The following ERP44 variants were observed in gnomAD, a reference collection of about 807,000 sequenced individuals.
ERP44 encodes endoplasmic reticulum resident protein 44.
In ERP44, 25 loss-of-function variants were observed where a neutral mutation model predicts 53.4. The observed-to-expected ratio is 0.47, with a 90% CI of 0.34 to 0.65. The LOEUF (loss-of-function observed/expected upper bound fraction) is 0.65. Ranked by LOEUF, ERP44 falls within the 30% of genes least tolerant of loss-of-function variation. The probability of loss-of-function intolerance (pLI) is 0.01; values close to 1 mark genes in which losing one functional copy is unlikely to be tolerated. For missense variants in ERP44, 338 were observed against 493.2 expected (o/e 0.69, Z 2.98); for synonymous variants, 145 against 161.2 (o/e 0.90, Z 0.76).
chr9:100,020,565 T>A lies in ERP44; in HGVS notation c.587+51A>T, dbSNP rs1231892980. 5 of 905,752 alleles carry A rather than the reference T, an allele frequency of 5.5e-6. No individual in the cohort carries two copies. In the African/African-American group the frequency reaches 6.6e-5, roughly 12 times the overall value. The allele number at this position is 905,752 out of a possible 1,614,324, so 56.1% of individuals were successfully genotyped here. A position where few individuals can be genotyped will look rare whatever the true frequency, so the allele number is the denominator to read the frequency against. On this transcript the variant is annotated intron_variant, in intron 6 of 11. Transcript: ENST00000262455. ...GAAATGACCAAATACAACAGCAATT[T>A]AACATGGCAGCCAACCAACCCACTA...
At chr9:100,051,715 A>G (rs894390002) in intron 4 of ERP44, among the ~76,000 whole-genome samples, 2 of 152,232 alleles carry the variant, frequency 1.3e-5, no homozygotes, top group Non-Finnish European at 2.9e-5. Flanking sequence ...AGGAAAGTTC[A>G]AGTATAATGG....
chr9:100,032,255 T>G (rs1187122515), intron 4 of ERP44, among the ~76,000 whole-genome samples: 7 of 152,178 alleles, frequency 4.6e-5, no homozygotes, highest in Non-Finnish European at 1.0e-4. Flanking sequence ...GGCTCCACCC[T>G]GAAGCCAGTA....
chr9:100,055,583 C>T (rs1221843709), intron 3 of ERP44, among the ~76,000 whole-genome samples: 1 of 152,186 alleles, frequency 6.6e-6, no homozygotes, highest in African/African-American at 2.4e-5. Context: ...GTTCGTCAGG[C>T]TAGTCTGGAA....
chr9:100,030,529 AG>A (rs1225646505), intron 4 of ERP44, among the ~76,000 whole-genome samples: 1 of 152,204 alleles, frequency 6.6e-6, no homozygotes, highest in Non-Finnish European at 1.5e-5. Context: ...GGCCCAGCTT[AG>A]GATGGTTAGA....
chr9:100,080,327 A>AC (rs1826409455), intron 1 of ERP44, among the ~76,000 whole-genome samples: 1 of 152,032 alleles, frequency 6.6e-6, no homozygotes, highest in South Asian at 2.1e-4. Flanking sequence ...ACATCTGCTC[A>AC]CCTTTAGGAC....
chr9:100,054,278 G>A (rs928068705), intron 3 of ERP44, among the ~76,000 whole-genome samples: 4 of 152,280 alleles, frequency 2.6e-5, no homozygotes, highest in Middle Eastern at 3.4e-3. Flanking sequence ...GGCTAGGACC[G>A]CAGGTTTGTG....
chr9:99,993,958 C>T (rs916397316), intron 10 of ERP44, among the ~76,000 whole-genome samples: 4 of 152,192 alleles, frequency 2.6e-5, no homozygotes, highest in Admixed American at 6.5e-5. Flanking sequence ...CAATGAGATG[C>T]CATCTCACAC....
chr9:100,060,226 G>A lies in ERP44; in HGVS notation c.58-54C>T, dbSNP rs1050212928. On this transcript the variant is annotated intron_variant, in intron 1 of 11. Coordinates refer to ENST00000262455, the MANE Select transcript of ERP44 (RefSeq NM_015051.3). Reference sequence around the variant, plus strand: ...AAATGTGTCCACAAAAGACAAATACGTAAAAGCGAAGTCTAAAAATAAATG... The same window carrying A: ...AAATGTGTCCACAAAAGACAAATACATAAAAGCGAAGTCTAAAAATAAATG... The A allele has an allele frequency of 1.4e-5, 19 of 1,365,902 alleles. No homozygotes were observed. In the Admixed American group the frequency reaches 1.5e-4, roughly 11 times the overall value. 84.6% of individuals were successfully genotyped at this position (1,365,902 alleles called of 1,614,324 possible). A position where few individuals can be genotyped will look rare whatever the true frequency, so the allele number is the denominator to read the frequency against.
At position 99,982,575 on chromosome 9, in the gene ERP44, C is replaced by G; in HGVS notation, c.*37G>C. 3 of 1,040,528 alleles carry G rather than the reference C, an allele frequency of 2.9e-6. No individual in the cohort carries two copies. The highest frequency in any genetic ancestry group is 4.2e-6 in the Non-Finnish European group (3 of 721,034). The allele number at this position is 1,040,528 out of a possible 1,614,324, so 64.5% of individuals were successfully genotyped here. A position where few individuals can be genotyped will look rare whatever the true frequency, so the allele number is the denominator to read the frequency against. On this transcript the variant is annotated 3_prime_UTR_variant, in exon 12 of 12. Coordinates refer to ENST00000262455, the MANE Select transcript of ERP44 (RefSeq NM_015051.3). ...ACTATTTCCACCACGTAGGTTGATG[C>G]TGCTGTTGAAAGGCTTACAAACTGT...
At chr9:100,006,402 C>A in intron 10 of ERP44, 104 bp downstream of exon 10, 1 of 852,478 alleles carries the variant, frequency 1.2e-6, no homozygotes, top group South Asian at 1.7e-5. Flanking sequence ...TTAACAAAGT[C>A]TTACTGTTCC....
rs773851697 is a variant in ERP44 at position 99,985,616 on chromosome 9, C to G, written c.1017-547G>C. Among the ~76,000 whole-genome samples the G allele has an allele frequency of 1.4e-4, 22 of 152,280 alleles. No individual in the cohort carries two copies. In the Middle Eastern group the frequency reaches 0.01, roughly 71 times the overall value. On this transcript the variant is annotated intron_variant, in intron 10 of 11. Coordinates refer to ENST00000262455, the MANE Select transcript of ERP44 (RefSeq NM_015051.3). ...CAGCCTTAACGTAAAGCTTGTGAGCCTACTTTTGAGGTTCGGGTCCTTAAG... is the reference window on the plus strand; with the variant it reads ...CAGCCTTAACGTAAAGCTTGTGAGCGTACTTTTGAGGTTCGGGTCCTTAAG...
rs979789092 is a variant in ERP44 at position 100,086,875 on chromosome 9, CAT to C, written c.57+11907_57+11908del. ...GGGGAAAGAATCCACACAACAAACA[CAT>C]GTTTGAAGCATCCACAAATATTTTA... On this transcript the variant is annotated intron_variant, in intron 1 of 11. Transcript: ENST00000262455. Among the ~76,000 whole-genome samples the C allele has an allele frequency of 5.3e-5, 8 of 152,178 alleles. No individual in the cohort carries two copies. The South Asian group carries it at 8.3e-4, about 16-fold the overall frequency.
rs1168903331 is a variant in ERP44, at chr9:100,043,291, A to AAAAAAAAAAAAAAAAAAAG, written c.286+9125_286+9126insCTTTTTTTTTTTTTTTTTT. The stretch of plus-strand genomic sequence containing the variant: ...AAAAAAAAAAAAAAAAAAAAAAAAA[A>AAAAAAAAAAAAAAAAAAAG]GATAAATAAGACATAGTATTTGCTA... On this transcript the variant is annotated intron_variant, in intron 4 of 11. Transcript: ENST00000262455. Among the ~76,000 whole-genome samples, 56 of 74,928 alleles carry AAAAAAAAAAAAAAAAAAAG rather than the reference A, an allele frequency of 7.5e-4. 20 individuals are homozygous for AAAAAAAAAAAAAAAAAAAG. Among genetic ancestry groups the AAAAAAAAAAAAAAAAAAAG allele is most frequent in the East Asian group, 1.1e-3 (2 of 1,780 alleles). 49.2% of individuals were successfully genotyped at this position (74,928 alleles called of 152,430 possible). A position where few individuals can be genotyped will look rare whatever the true frequency, so the allele number is the denominator to read the frequency against.
At chr9:99,988,103 T>C (rs963766829) in intron 10 of ERP44, among the ~76,000 whole-genome samples, 3 of 152,344 alleles carry the variant, frequency 2.0e-5, no homozygotes, top group Admixed American at 2.0e-4. Flanking sequence ...AAACTTCCAG[T>C]TGTTCCACAT....
chr9:100,014,878 A>G (rs1445592484), intron 8 of ERP44, among the ~76,000 whole-genome samples: 1 of 152,214 alleles, frequency 6.6e-6, no homozygotes, highest in Non-Finnish European at 1.5e-5. Context: ...TGGCTTACAA[A>G]TTAACAGAAA....
chr9:99,998,566 G>C lies in ERP44; in HGVS notation c.1016+7940C>G. The C allele has an allele frequency of 8.2e-6, 6 of 731,494 alleles. No individual in the cohort carries two copies. The South Asian group carries it at 8.7e-5, about 11-fold the overall frequency. The allele number at this position is 731,494 out of a possible 1,614,324, so 45.3% of individuals were successfully genotyped here. The stretch of plus-strand genomic sequence containing the variant: ...GCCTTCTGGAAAGCCAGTCAGGCTC[G>C]TGGTGAGCTCTGTGCCTCCTGCCGT... On this transcript the variant is annotated intron_variant, in intron 10 of 11. Transcript: ENST00000262455.
intron 1 of ERP44, among the ~76,000 whole-genome samples, chr9:100,093,649 G>A (rs530396253): frequency 6.6e-6 from 1 of 151,342 alleles, no homozygotes; most frequent in Non-Finnish European, 1.5e-5. Flanking sequence ...TCTGTGGGGG[G>A]GGAAAAAAAA....
chr9:100,078,263 G>A (rs1826380822), intron 1 of ERP44, among the ~76,000 whole-genome samples: 1 of 152,088 alleles, frequency 6.6e-6, no homozygotes, highest in Non-Finnish European at 1.5e-5. Context: ...TTCAAGACCA[G>A]CCTGGCCAAC....
In ERP44 at chr9:99,988,803, C is replaced by T. The variant is rs111514385; in HGVS notation, c.1017-3734G>A. Reference sequence around the variant, plus strand: ...CAAGGGAAGCCATGACAGACTGTACCGGAAAAAACAGGACATTCCCACCCA... The same window carrying T: ...CAAGGGAAGCCATGACAGACTGTACTGGAAAAAACAGGACATTCCCACCCA... On this transcript the variant is annotated intron_variant, in intron 10 of 11. Coordinates refer to ENST00000262455, the MANE Select transcript of ERP44 (RefSeq NM_015051.3). 3.1e-4 allele frequency among the ~76,000 whole-genome samples: 47 copies of T among 152,252 alleles called. 1 individual carries two copies. Among genetic ancestry groups the T allele is most frequent in the African/African-American group, 9.9e-4 (41 of 41,540 alleles).
Sources: gnomAD v4.1 joint callset for allele counts (sites outside exome capture counted in the v4.1 genomes callset) on GRCh38, gnomAD v4.1.1 for gene constraint, MANE v1.5 for transcripts, NCBI Gene and HGNC (gene_info 2026-07-23, HGNC 2026-07-21) for gene names.